Variants in SEMA6D observed in about 807,000 individuals in gnomAD.
The protein encoded by SEMA6D is semaphorin 6D.
SEMA6D carries 35 observed loss-of-function variants against 106.6 expected under a neutral mutation model. The observed-to-expected ratio is 0.33, with a 90% CI of 0.25 to 0.44. The LOEUF (loss-of-function observed/expected upper bound fraction) is 0.44, where lower values mean the gene tolerates loss of function less well. Ranked by LOEUF, SEMA6D falls within the 20% of genes least tolerant of loss-of-function variation. SEMA6D has a pLI of 1.00. For synonymous variants in SEMA6D, 499 were observed against 487.7 expected, an observed-to-expected ratio of 1.02 and a Z score of -0.31; for missense variants, 1,185 against 1,345.9, an observed-to-expected ratio of 0.88 and a Z score of 1.87.
intron 1 of SEMA6D, among the ~76,000 whole-genome samples, chr15:47,245,810 A>C (rs999509229): frequency 3.9e-5 from 6 of 152,220 alleles, no homozygotes; most frequent in Admixed American, 1.3e-4. Context: ...GATTCTAAGC[A>C]TAAGAAATTG....
intron 2 of SEMA6D, among the ~76,000 whole-genome samples, chr15:47,462,002 G>T (rs1384397708): frequency 6.6e-6 from 1 of 151,890 alleles, no homozygotes; most frequent in Non-Finnish European, 1.5e-5. Context: ...ATTTCATAAA[G>T]TTACTATTTG....
At chr15:47,278,352 T>A (rs2034939174) in intron 1 of SEMA6D, among the ~76,000 whole-genome samples, 1 of 152,234 alleles carries the variant, frequency 6.6e-6, no homozygotes, top group Non-Finnish European at 1.5e-5. Flanking sequence ...TTTGCATTTC[T>A]CTGATGGCCA....
At chr15:47,627,156 TC>T (rs1316409435) in intron 4 of SEMA6D, among the ~76,000 whole-genome samples, 1 of 152,092 alleles carries the variant, frequency 6.6e-6, no homozygotes, top group Non-Finnish European at 1.5e-5. Flanking sequence ...ACCCATCTTC[TC>T]CCAACCTGGT....
intron 3 of SEMA6D, among the ~76,000 whole-genome samples, chr15:47,486,318 G>T (rs1694623760): frequency 1.3e-5 from 2 of 152,140 alleles, no homozygotes. Flanking sequence ...GAACAACAAT[G>T]AAAGAACTTA....
At chr15:47,752,037 G>T (rs1245170833) in intron 1 of SEMA6D, among the ~76,000 whole-genome samples, 1 of 152,130 alleles carries the variant, frequency 6.6e-6, no homozygotes, top group African/African-American at 2.4e-5. Flanking sequence ...GAGGCCCAAG[G>T]TGAGACAGGA....
chr15:47,402,907 C>G (rs1434303852), intron 1 of SEMA6D, among the ~76,000 whole-genome samples: 1 of 152,170 alleles, frequency 6.6e-6, no homozygotes, highest in Non-Finnish European at 1.5e-5. Flanking sequence ...GGCAAAGCCT[C>G]CATCATAGAG....
chr15:47,384,513 A>C (rs918428542), intron 1 of SEMA6D, among the ~76,000 whole-genome samples: 10 of 152,238 alleles, frequency 6.6e-5, no homozygotes, highest in Admixed American at 1.3e-4. Flanking sequence ...ACTCATTTTC[A>C]CTAATCTGTG....
In SEMA6D at chr15:47,594,533, C is replaced by T. The variant is rs550652973; in HGVS notation, c.-86-6332C>T. ...TCAATTATTTATGCTTTAAAACAGC[C>T]ATTATTGGGTACCCATCACATACTG... On this transcript the variant is annotated intron_variant, in intron 3 of 19. Coordinates refer to the SEMA6D transcript ENST00000558014. Among the ~76,000 whole-genome samples the T allele has an allele frequency of 4.3e-4, 65 of 152,226 alleles. No homozygotes were observed. In the East Asian group the frequency reaches 0.012, roughly 28 times the overall value.
chr15:47,436,610 A>C (rs2041711472), intron 2 of SEMA6D, among the ~76,000 whole-genome samples: 1 of 150,752 alleles, frequency 6.6e-6, no homozygotes, highest in African/African-American at 2.4e-5. Flanking sequence ...GCTATGTAAA[A>C]ATGATTACTT....
chr15:47,449,405 G>T (rs1452077827), intron 2 of SEMA6D, among the ~76,000 whole-genome samples: 1 of 151,974 alleles, frequency 6.6e-6, no homozygotes, highest in African/African-American at 2.4e-5. Context: ...ACTGGAGAAG[G>T]GGTTACAGGA....
chr15:47,528,897 A>G (rs927852046), intron 3 of SEMA6D, among the ~76,000 whole-genome samples: 4 of 152,228 alleles, frequency 2.6e-5, no homozygotes, highest in Non-Finnish European at 5.9e-5. Context: ...ATAATAGCCT[A>G]CTATTGTCTG....
At chr15:47,364,745 C>T (rs79684544) in intron 1 of SEMA6D, among the ~76,000 whole-genome samples, 1,781 of 151,538 alleles carry the variant, frequency 0.012, 46 homozygotes, top group African/African-American at 0.041. Context: ...CCCCTCCCCT[C>T]GTCCCCCTAC....
At chr15:47,569,693 G>A (rs2046326305) in intron 3 of SEMA6D, among the ~76,000 whole-genome samples, 1 of 152,142 alleles carries the variant, frequency 6.6e-6, no homozygotes, top group African/African-American at 2.4e-5. Context: ...TTATTGGAAT[G>A]GAGGAGGGAA....
At chr15:47,489,272 G>A (rs930075270) in intron 3 of SEMA6D, among the ~76,000 whole-genome samples, 28 of 152,138 alleles carry the variant, frequency 1.8e-4, no homozygotes, top group Admixed American at 1.4e-3. Context: ...AGGGGGCACC[G>A]CCCTGCCAAC....
intron 3 of SEMA6D, among the ~76,000 whole-genome samples, chr15:47,594,003 G>A (rs1309194141): frequency 6.6e-6 from 1 of 152,168 alleles, no homozygotes; most frequent in African/African-American, 2.4e-5. Flanking sequence ...TGAAATTTGG[G>A]TGGGGACACA....
chr15:47,203,700 G>A (rs1052335627), intron 1 of SEMA6D, among the ~76,000 whole-genome samples: 1 of 152,142 alleles, frequency 6.6e-6, no homozygotes, highest in African/African-American at 2.4e-5. Flanking sequence ...TGTAATAAGA[G>A]TGTCAACCTT....
intron 3 of SEMA6D, among the ~76,000 whole-genome samples, chr15:47,542,194 T>A (rs1202456820): frequency 6.6e-6 from 1 of 152,176 alleles, no homozygotes; most frequent in Non-Finnish European, 1.5e-5. Context: ...ACTTCCACTA[T>A]AATGTTCAAG....
intron 4 of SEMA6D, among the ~76,000 whole-genome samples, chr15:47,615,030 G>GATT (rs2076981184): frequency 6.6e-6 from 1 of 152,078 alleles, no homozygotes; most frequent in South Asian, 2.1e-4. Context: ...AACCTGTTAG[G>GATT]GAATAAGCCT....
At chr15:47,630,200 T>A (rs946209557) in intron 4 of SEMA6D, among the ~76,000 whole-genome samples, 4 of 151,922 alleles carry the variant, frequency 2.6e-5, no homozygotes, top group African/African-American at 7.2e-5. Context: ...TTTCTCTGTA[T>A]CCTTGCCAGC....
Sources: allele counts gnomAD v4.1 joint callset (sites outside exome capture counted in the v4.1 genomes callset), GRCh38; gene constraint gnomAD v4.1.1; transcripts MANE v1.5; gene names NCBI Gene and HGNC (gene_info 2026-07-23, HGNC 2026-07-21).